Variants in GABRB2 observed in about 807,000 individuals in gnomAD.
The protein encoded by GABRB2 is gamma-aminobutyric acid receptor subunit beta-2.
In GABRB2, 16 loss-of-function variants were observed where a neutral mutation model predicts 54.7. The ratio of observed to expected loss-of-function variants is 0.29; its 90% CI spans 0.20 to 0.44. The LOEUF (loss-of-function observed/expected upper bound fraction) is 0.44, where lower values mean the gene tolerates loss of function less well. Ranked by LOEUF, GABRB2 falls within the 20% of genes least tolerant of loss-of-function variation. The pLI is 1.00. For synonymous variants in GABRB2, 244 were observed against 233.8 expected (o/e 1.04, Z -0.40); for missense variants, 355 against 644.0 (o/e 0.55, Z 4.86).
At chr5:161,516,691 T>C (rs1169966330) in intron 3 of GABRB2, among the ~76,000 whole-genome samples, 1 of 152,230 alleles carries the variant, frequency 6.6e-6, no homozygotes, top group African/African-American at 2.4e-5. Context: ...GATTTTATTA[T>C]TGTAAGTTTC....
At chr5:161,301,347 A>T (rs936457111) in intron 9 of GABRB2, among the ~76,000 whole-genome samples, 1 of 152,086 alleles carries the variant, frequency 6.6e-6, no homozygotes, top group Non-Finnish European at 1.5e-5. Flanking sequence ...GACTTGCCCA[A>T]ATGGATTTCC....
intron 5 of GABRB2, among the ~76,000 whole-genome samples, chr5:161,404,514 C>T (rs962692071): frequency 1.1e-4 from 17 of 152,038 alleles, no homozygotes; most frequent in African/African-American, 4.1e-4. Flanking sequence ...CAGACACATG[C>T]ACACATACCT....
At chr5:161,487,063 A>G (rs1474051404) in intron 3 of GABRB2, among the ~76,000 whole-genome samples, 1 of 151,914 alleles carries the variant, frequency 6.6e-6, no homozygotes, top group African/African-American at 2.4e-5. Flanking sequence ...TGCTGCCCAG[A>G]AGAACAAAGA....
chr5:161,521,224 T>C (rs1350590284), intron 3 of GABRB2, among the ~76,000 whole-genome samples: 1 of 151,916 alleles, frequency 6.6e-6, no homozygotes, highest in African/African-American at 2.4e-5. Context: ...ATATTTGGTG[T>C]TTGCCCCAAG....
At chr5:161,306,424 T>C (rs1580964668) in intron 9 of GABRB2, among the ~76,000 whole-genome samples, 1 of 152,350 alleles carries the variant, frequency 6.6e-6, no homozygotes, top group Non-Finnish European at 1.5e-5. Context: ...AGATATTTTT[T>C]TCCATATATT....
At position 161,293,925 on chromosome 5, in the gene GABRB2, C is replaced by G. The variant is rs1554091282; in HGVS notation, c.*156G>C. 1.6e-6 allele frequency: 1 copy of G among 632,158 alleles called. No homozygotes were observed. The highest frequency in any genetic ancestry group is 2.7e-6 in the Non-Finnish European group (1 of 364,792). 39.2% of individuals were successfully genotyped at this position (632,158 alleles called of 1,614,324 possible). On this transcript the variant is annotated 3_prime_UTR_variant, in exon 10 of 10. Coordinates refer to ENST00000393959, the MANE Select transcript of GABRB2 (RefSeq NM_001371727.1). ...TGTATTCATTACTTAGCAGAAGCAA[C>G]CCAAATGGTATGAAATGGACCACAG...
intron 4 of GABRB2, among the ~76,000 whole-genome samples, chr5:161,424,500 A>G (rs1756940344): frequency 6.6e-6 from 1 of 152,134 alleles, no homozygotes; most frequent in African/African-American, 2.4e-5. Context: ...TGGAAAGACA[A>G]AGCCAGGATA....
rs575979996 is a variant in GABRB2 at position 161,438,974 on chromosome 5, G to A, written c.458+20650C>T. On this transcript the variant is annotated intron_variant, in intron 4 of 9. Transcript: ENST00000393959. Reference sequence around the variant, plus strand: ...TAAAGAGGAGGTAGAGAGATAGGAAGAGAAAGTTTATTCAAAGTGATAATA... The same window carrying A: ...TAAAGAGGAGGTAGAGAGATAGGAAAAGAAAGTTTATTCAAAGTGATAATA... Among the ~76,000 whole-genome samples, 25 of 152,248 alleles carry A rather than the reference G, an allele frequency of 1.6e-4. No homozygotes were observed. In the South Asian group the frequency reaches 4.8e-3, roughly 29 times the overall value.
chr5:161,348,519 CAA>C (rs71587152), intron 5 of GABRB2, among the ~76,000 whole-genome samples: 3,341 of 152,080 alleles, frequency 0.022, 55 homozygotes, highest in Non-Finnish European at 0.034. Flanking sequence ...TAAGGCAAGT[CAA>C]GTCTTGTTTT....
In GABRB2 at chr5:161,504,734, C is replaced by A. The variant is rs1561674608; in HGVS notation, c.237+40493G>T. 6.0e-5 allele frequency among the ~76,000 whole-genome samples: 8 copies of A among 133,980 alleles called. No homozygotes were observed. The East Asian group carries it at 1.8e-3, about 30-fold the overall frequency. The allele number at this position is 133,980 out of a possible 152,430, so 87.9% of individuals were successfully genotyped here. ...TAAAATGAAAAACAGTTAAGTAAATCAATAAGACTAATATCTGGAATTAAA... is the reference window on the plus strand; with the variant it reads ...TAAAATGAAAAACAGTTAAGTAAATAAATAAGACTAATATCTGGAATTAAA... On this transcript the variant is annotated intron_variant, in intron 3 of 9. Coordinates refer to ENST00000393959, the MANE Select transcript of GABRB2 (RefSeq NM_001371727.1).
At chr5:161,410,935 A>C in intron 5 of GABRB2, 40 bp downstream of exon 5, 2 of 1,508,810 alleles carry the variant, frequency 1.3e-6, no homozygotes, top group Non-Finnish European at 1.8e-6. Flanking sequence ...AAGAACCTTA[A>C]AGCAGAGTCC....
At chr5:161,470,587 T>C (rs1359927781) in intron 3 of GABRB2, among the ~76,000 whole-genome samples, 3 of 151,868 alleles carry the variant, frequency 2.0e-5, no homozygotes, top group Non-Finnish European at 4.4e-5. Flanking sequence ...AGAATGCTAC[T>C]GAGTGATGAA....
intron 4 of GABRB2, among the ~76,000 whole-genome samples, chr5:161,424,687 T>C (rs1383459227): frequency 6.6e-6 from 1 of 152,134 alleles, no homozygotes; most frequent in Non-Finnish European, 1.5e-5. Context: ...CCTGCTACCA[T>C]GACATCCATT....
At chr5:161,467,522 C>T (rs1758314565) in intron 3 of GABRB2, among the ~76,000 whole-genome samples, 1 of 152,030 alleles carries the variant, frequency 6.6e-6, no homozygotes, top group Non-Finnish European at 1.5e-5. Context: ...TAAAACTCCA[C>T]AATTGTTCAG....
At chr5:161,335,404 A>C (rs1753964495) in intron 6 of GABRB2, among the ~76,000 whole-genome samples, 1 of 152,048 alleles carries the variant, frequency 6.6e-6, no homozygotes. Context: ...CTTTTTTTTA[A>C]TAGTTTCATT....
chr5:161,308,003 C>T (rs1424142958), intron 9 of GABRB2, among the ~76,000 whole-genome samples: 5 of 151,736 alleles, frequency 3.3e-5, no homozygotes, highest in East Asian at 1.9e-4. Context: ...GGACTACAGG[C>T]GCCCACCACC....
At position 161,291,398 on chromosome 5, in the gene GABRB2, C is replaced by T. The variant is rs1012172038; in HGVS notation, c.*2683G>A. ...TCCTAGACTTATCAGGTCTAGCACCCCTCCTCGCATTTGATGACTGCATTT... is the reference window on the plus strand; with the variant it reads ...TCCTAGACTTATCAGGTCTAGCACCTCTCCTCGCATTTGATGACTGCATTT... On this transcript the variant is annotated 3_prime_UTR_variant, in exon 10 of 10. Transcript: ENST00000393959. 2.0e-5 allele frequency: 3 copies of T among 152,100 alleles called. No individual in the cohort carries two copies. The highest frequency in any genetic ancestry group is 6.6e-5 in the Admixed American group (1 of 15,250). The allele number at this position is 152,100 out of a possible 1,614,324, so 9.4% of individuals were successfully genotyped here.
At chr5:161,345,042 C>T (rs546051990) in intron 5 of GABRB2, among the ~76,000 whole-genome samples, 2 of 151,992 alleles carry the variant, frequency 1.3e-5, no homozygotes, top group East Asian at 3.9e-4. Flanking sequence ...AGGGCCCTGT[C>T]TGGGGCTGGG....
intron 5 of GABRB2, among the ~76,000 whole-genome samples, chr5:161,390,051 TG>T (rs1418439284): frequency 6.6e-6 from 1 of 152,098 alleles, no homozygotes; most frequent in Non-Finnish European, 1.5e-5. Flanking sequence ...ATATATTACT[TG>T]GTGTTAGTTT....
Sources: allele counts gnomAD v4.1 joint callset (sites outside exome capture counted in the v4.1 genomes callset), GRCh38; gene constraint gnomAD v4.1.1; transcripts MANE v1.5; gene names NCBI Gene and HGNC (gene_info 2026-07-23, HGNC 2026-07-21).